DUS2: variants seen among roughly 807,000 people sequenced by gnomAD.
The protein encoded by DUS2 is dihydrouridine synthase 2, also known as tRNA-dihydrouridine(20) synthase [NAD(P)+]-like.
A neutral mutation model predicts 71.3 loss-of-function variants in DUS2; 52 were observed. The ratio of observed to expected loss-of-function variants is 0.73; its 90% CI spans 0.58 to 0.92. DUS2 has a LOEUF of 0.92. DUS2 is among the 40% of genes least tolerant of loss of function. The pLI is 0.00. For synonymous variants in DUS2, 204 were observed against 227.8 expected, an observed-to-expected ratio of 0.90 and a Z score of 0.94; for missense variants, 558 against 622.6, an observed-to-expected ratio of 0.90 and a Z score of 1.10.
rs1052487432 is a variant in DUS2, at chr16:68,023,295, T to G, written c.-155T>G. The G allele has an allele frequency of 7.2e-7, 1 of 1,380,674 alleles. No homozygotes were observed. Among genetic ancestry groups the G allele is most frequent in the Middle Eastern group, 2.5e-4 (1 of 4,068 alleles). The allele number at this position is 1,380,674 out of a possible 1,614,324, so 85.5% of individuals were successfully genotyped here. On this transcript the variant is annotated 5_prime_UTR_variant, in exon 1 of 17. Transcript: ENST00000565263. ...GGCTGGCGAGGCTCAGTACGGTGTG[T>G]GGAGCTGGAGCACCGTGAGGAAGAA...
chr16:68,053,704 G>A (rs2033811914), intron 5 of DUS2, 49 bp downstream of exon 5: 1 of 1,600,670 alleles, frequency 6.2e-7, no homozygotes, highest in Non-Finnish European at 8.6e-7. Context: ...CCATCCCCTG[G>A]GATTTCCCAA....
intron 11 of DUS2, among the ~76,000 whole-genome samples, chr16:68,070,560 G>T (rs1441694221): frequency 6.6e-6 from 1 of 152,100 alleles, no homozygotes; most frequent in African/African-American, 2.4e-5. Flanking sequence ...TCTCGCCAGG[G>T]TTTTGACTTA....
chr16:68,049,581 A>G (rs1255875701), intron 4 of DUS2, 31 bp downstream of exon 4: 7 of 1,610,980 alleles, frequency 4.3e-6, no homozygotes, highest in Non-Finnish European at 5.9e-6. Context: ...AGAATTATGC[A>G]TATGCCCTGC....
At chr16:68,027,473 CT>C (rs1339054549) in intron 2 of DUS2, among the ~76,000 whole-genome samples, 2 of 152,138 alleles carry the variant, frequency 1.3e-5, no homozygotes, top group Non-Finnish European at 2.9e-5. Context: ...AAACTCCCGA[CT>C]TTAGGTAATC....
At chr16:68,052,966 A>ATTTT (rs531432284) in intron 4 of DUS2, among the ~76,000 whole-genome samples, 1 of 123,872 alleles carries the variant, frequency 8.1e-6, no homozygotes, top group Non-Finnish European at 1.8e-5. Context: ...TTGTTTCAAC[A>ATTTT]TTTTTTTTTT....
chr16:68,076,517 C>T (rs547859948), intron 14 of DUS2, 115 bp from the exon 15 acceptor site: 21 of 728,434 alleles, frequency 2.9e-5, no homozygotes, highest in Admixed American at 4.8e-5. Context: ...GGCAGCAGCT[C>T]GGTGTCTCAG....
intron 3 of DUS2, among the ~76,000 whole-genome samples, chr16:68,044,752 C>T (rs2033677255): frequency 6.6e-6 from 1 of 151,956 alleles, no homozygotes; most frequent in Non-Finnish European, 1.5e-5. Context: ...ACATGAGTCT[C>T]ATACCTCTTT....
At chr16:68,052,368 A>T (rs935330277) in intron 4 of DUS2, among the ~76,000 whole-genome samples, 20 of 152,234 alleles carry the variant, frequency 1.3e-4, no homozygotes, top group African/African-American at 4.8e-4. Context: ...CATGCACATC[A>T]GGCAACTCAA....
At position 68,026,650 on chromosome 16, in the gene DUS2, G is replaced by A. The variant is rs573122499; in HGVS notation, c.-19+1156G>A. ...TCCCAGCACTTTGAGAGGCCAAGGC[G>A]GGCAGATCACGAGGTCAGGAGTTCA... On this transcript the variant is annotated intron_variant, in intron 2 of 16. Transcript: ENST00000565263. Among the ~76,000 whole-genome samples the A allele has an allele frequency of 6.6e-5, 10 of 151,872 alleles. No homozygotes were observed. In the South Asian group the frequency reaches 1.2e-3, roughly 19 times the overall value.
intron 2 of DUS2, among the ~76,000 whole-genome samples, chr16:68,029,400 C>T (rs927503187): frequency 6.6e-6 from 1 of 152,088 alleles, no homozygotes; most frequent in Admixed American, 6.6e-5. Context: ...GCCTCAACCT[C>T]CCAGTGTTAG....
chr16:68,029,016 T>C (rs1255715680), intron 2 of DUS2, among the ~76,000 whole-genome samples: 1 of 152,040 alleles, frequency 6.6e-6, no homozygotes, highest in African/African-American at 2.4e-5. Context: ...CTGAGCAACA[T>C]AGCAAGACTG....
chr16:68,056,237 T>C (rs1231426648), intron 6 of DUS2, 127 bp from the exon 7 acceptor site: 12 of 689,842 alleles, frequency 1.7e-5, no homozygotes, highest in Non-Finnish European at 2.4e-5. Context: ...TCATTGGGGG[T>C]TGGTGTGTTT....
At chr16:68,027,253 T>TG (rs1461216300) in intron 2 of DUS2, among the ~76,000 whole-genome samples, 1 of 152,058 alleles carries the variant, frequency 6.6e-6, no homozygotes, top group Non-Finnish European at 1.5e-5. Flanking sequence ...TTTTTTTTTT[T>TG]TGGAGATGGA....
At chr16:68,041,686 C>T (rs1475328986) in intron 3 of DUS2, among the ~76,000 whole-genome samples, 1 of 151,906 alleles carries the variant, frequency 6.6e-6, no homozygotes, top group African/African-American at 2.4e-5. Flanking sequence ...GTGGTGCACA[C>T]CTGTAATCCC....
intron 2 of DUS2, among the ~76,000 whole-genome samples, chr16:68,035,917 TATATATATATATACACACATACATACAC>T (rs2033516805): frequency 4.9e-5 from 4 of 81,702 alleles, no homozygotes; most frequent in African/African-American, 1.7e-4. Flanking sequence ...TATATATATA[TATATATATATATACACACATACATACAC>T]ATATATATAC....
At chr16:68,037,619 A>G (rs1403320393) in intron 2 of DUS2, among the ~76,000 whole-genome samples, 1 of 151,880 alleles carries the variant, frequency 6.6e-6, no homozygotes, top group Non-Finnish European at 1.5e-5. Context: ...GGGTTTCACC[A>G]TGTTGGCCAG....
chr16:68,039,391 G>T (rs2033585781), intron 3 of DUS2, among the ~76,000 whole-genome samples: 1 of 151,958 alleles, frequency 6.6e-6, no homozygotes, highest in Non-Finnish European at 1.5e-5. Flanking sequence ...TTCAAAACCA[G>T]CCTTGGCAAC....
chr16:68,030,856 C>T (rs1007750665), intron 2 of DUS2, among the ~76,000 whole-genome samples: 1 of 151,814 alleles, frequency 6.6e-6, no homozygotes, highest in African/African-American at 2.4e-5. Flanking sequence ...CTTAAGCCTC[C>T]CAGAGTGGCT....
intron 2 of DUS2, among the ~76,000 whole-genome samples, chr16:68,033,419 A>G (rs1226164393): frequency 3.3e-5 from 5 of 152,072 alleles, no homozygotes; most frequent in African/African-American, 1.2e-4. Context: ...ACTGGTTAAC[A>G]TGTTCTCTTC....
Sources: gnomAD v4.1 joint callset for allele counts (sites outside exome capture counted in the v4.1 genomes callset) on GRCh38, gnomAD v4.1.1 for gene constraint, MANE v1.5 for transcripts, NCBI Gene and HGNC (gene_info 2026-07-23, HGNC 2026-07-21) for gene names.